Variants in ADCY2 observed in about 807,000 individuals in gnomAD.
The protein encoded by ADCY2 is adenylate cyclase type 2.
ADCY2 carries 31 observed loss-of-function variants against 125.2 expected under a neutral mutation model. That is an observed-to-expected ratio of 0.25 (90% confidence interval 0.19 to 0.33). ADCY2 has a LOEUF of 0.33. Among genes scored for constraint, ADCY2 ranks in the 10% least tolerant of loss-of-function variants. The pLI is 1.00. For missense variants in ADCY2, 904 were observed against 1,418.2 expected, an observed-to-expected ratio of 0.64 and a Z score of 5.82; for synonymous variants, 512 against 548.4, an observed-to-expected ratio of 0.93 and a Z score of 0.93.
chr5:7,573,590 TTTC>T (rs1431555358), intron 3 of ADCY2, among the ~76,000 whole-genome samples: 1 of 146,998 alleles, frequency 6.8e-6, no homozygotes, highest in Non-Finnish European at 1.5e-5. Flanking sequence ...CAGGGTTGAT[TTTC>T]TTTTTTTTTT....
At chr5:7,425,493 A>T (rs1740354570) in intron 2 of ADCY2, among the ~76,000 whole-genome samples, 1 of 152,252 alleles carries the variant, frequency 6.6e-6, no homozygotes, top group Non-Finnish European at 1.5e-5. Context: ...GCATGCAGAG[A>T]ACCTGCTGGA....
intron 18 of ADCY2, among the ~76,000 whole-genome samples, chr5:7,777,932 G>C (rs370518492): frequency 2.0e-5 from 3 of 152,202 alleles, no homozygotes; most frequent in Admixed American, 2.0e-4. Flanking sequence ...AGTATTTAAC[G>C]TGACCTGCTG....
chr5:7,545,515 A>G (rs1050186773), intron 3 of ADCY2, among the ~76,000 whole-genome samples: 2 of 152,166 alleles, frequency 1.3e-5, no homozygotes, highest in African/African-American at 2.4e-5. Flanking sequence ...ACAAGCACCC[A>G]TTCTGCTCTC....
chr5:7,485,371 A>G (rs1416957929), intron 2 of ADCY2, among the ~76,000 whole-genome samples: 1 of 152,242 alleles, frequency 6.6e-6, no homozygotes. Context: ...TAAAATAGAC[A>G]AAGACATGAA....
intron 3 of ADCY2, among the ~76,000 whole-genome samples, chr5:7,606,168 G>A (rs535461431): frequency 2.0e-5 from 3 of 152,182 alleles, no homozygotes; most frequent in Non-Finnish European, 4.4e-5. Context: ...TGTTGTTTAC[G>A]TGGATTTATT....
rs1160875379 is a variant in ADCY2, at chr5:7,717,235, G to T, written c.1701G>T (p.Gln567His). Reference sequence around the variant, plus strand: ...AAGCAATTGATGGGATTAATGCACAGAAGTGAGTACTTCTTTCTCTTAAAT... The same window carrying T: ...AAGCAATTGATGGGATTAATGCACATAAGTGAGTACTTCTTTCTCTTAAAT... ...MIQAIDGINAQKQWLKSEDIQ... is the reference protein window; with the variant it reads ...MIQAIDGINAHKQWLKSEDIQ... Residue 567 changes from glutamine (Q) to histidine (H), a missense_variant and splice_region_variant, in exon 12 of 25, where the codon CAG becomes CAT. By Grantham distance (24) the Gln-to-His change is conservative. This residue lies in a region of ADCY2 where 144 missense variants were observed against 227.7 expected (regional missense o/e 0.63). Coordinates refer to ENST00000338316, the MANE Select transcript of ADCY2 (RefSeq NM_020546.3). The T allele has an allele frequency of 6.3e-7, 1 of 1,592,066 alleles. No individual in the cohort carries two copies. The highest frequency in any genetic ancestry group is 1.1e-5 in the South Asian group (1 of 88,664).
chr5:7,665,828 CTTTTTT>C (rs70940750), intron 4 of ADCY2, among the ~76,000 whole-genome samples: 108 of 38,578 alleles, frequency 2.8e-3, no homozygotes, highest in Non-Finnish European at 4.1e-3. Context: ...TAATTTAATT[CTTTTTT>C]TTTTTTTTTT....
chr5:7,628,753 C>T (rs945399402), intron 4 of ADCY2, among the ~76,000 whole-genome samples: 2 of 150,278 alleles, frequency 1.3e-5, no homozygotes, highest in Non-Finnish European at 2.9e-5. Flanking sequence ...TATGTGTCTA[C>T]GATGAGATGT....
chr5:7,722,359 T>C (rs944526110), intron 12 of ADCY2, among the ~76,000 whole-genome samples: 2 of 152,212 alleles, frequency 1.3e-5, no homozygotes, highest in African/African-American at 4.8e-5. Context: ...ACTCGCAAGC[T>C]GACATTTTCC....
At chr5:7,666,123 C>A (rs554710023) in intron 4 of ADCY2, among the ~76,000 whole-genome samples, 55 of 151,714 alleles carry the variant, frequency 3.6e-4, no homozygotes, top group Non-Finnish European at 6.2e-4. Context: ...CAGGCGTGAG[C>A]CACTGCGCCC....
intron 3 of ADCY2, among the ~76,000 whole-genome samples, chr5:7,584,090 A>G (rs1375448164): frequency 6.6e-6 from 1 of 152,132 alleles, no homozygotes; most frequent in Non-Finnish European, 1.5e-5. Context: ...GATTTCTTCC[A>G]TAGTGGTAAT....
At chr5:7,759,912 G>C (rs1318264473) in intron 16 of ADCY2, among the ~76,000 whole-genome samples, 1 of 152,012 alleles carries the variant, frequency 6.6e-6, no homozygotes, top group African/African-American at 2.4e-5. Flanking sequence ...AATAGGGTTG[G>C]GGGGTGGGGG....
At chr5:7,422,219 T>A (rs1395844665) in intron 2 of ADCY2, among the ~76,000 whole-genome samples, 1 of 152,154 alleles carries the variant, frequency 6.6e-6, no homozygotes, top group African/African-American at 2.4e-5. Flanking sequence ...CTTTTTTTTT[T>A]AATTGAGATG....
At chr5:7,716,004 C>G (rs1741581955) in intron 11 of ADCY2, among the ~76,000 whole-genome samples, 1 of 152,178 alleles carries the variant, frequency 6.6e-6, no homozygotes, top group African/African-American at 2.4e-5. Flanking sequence ...GCAGGCCGTG[C>G]TTTTAATCTT....
intron 3 of ADCY2, among the ~76,000 whole-genome samples, chr5:7,606,756 C>G (rs891676089): frequency 2.0e-5 from 3 of 152,124 alleles, no homozygotes; most frequent in African/African-American, 7.2e-5. Context: ...ATCACCGAAG[C>G]TATGGAATAT....
intron 3 of ADCY2, among the ~76,000 whole-genome samples, chr5:7,571,292 T>A (rs1476697162): frequency 6.6e-6 from 1 of 152,106 alleles, no homozygotes; most frequent in East Asian, 1.9e-4. Context: ...GCCTGGAAAC[T>A]AGGAAGCCAA....
At chr5:7,474,987 C>A (rs1375484373) in intron 2 of ADCY2, among the ~76,000 whole-genome samples, 1 of 152,200 alleles carries the variant, frequency 6.6e-6, no homozygotes, top group Non-Finnish European at 1.5e-5. Flanking sequence ...CCACAAGCGT[C>A]CAGAGCGCTC....
intron 4 of ADCY2, among the ~76,000 whole-genome samples, chr5:7,640,181 T>C (rs543366124): frequency 1.3e-5 from 2 of 152,356 alleles, no homozygotes; most frequent in Admixed American, 6.5e-5. Context: ...AACATAATTA[T>C]TATTCCAGAT....
chr5:7,613,498 G>A (rs1426747761), intron 3 of ADCY2, among the ~76,000 whole-genome samples: 1 of 152,114 alleles, frequency 6.6e-6, no homozygotes, highest in African/African-American at 2.4e-5. Flanking sequence ...TGGGGGGTGG[G>A]GTCCCCAGGT....
Sources: gnomAD v4.1 joint callset for allele counts (sites outside exome capture counted in the v4.1 genomes callset) on GRCh38, gnomAD v4.1.1 for gene constraint, gnomAD v4.1.1 regional missense constraint, MANE v1.5 for transcripts, NCBI Gene and HGNC (gene_info 2026-07-23, HGNC 2026-07-21) for gene names.